Variants in SNX29 observed in about 807,000 individuals in gnomAD.
SNX29 encodes the protein sorting nexin 29.
Under a neutral mutation model 102.1 loss-of-function variants are expected in SNX29, and 78 were observed. The ratio of observed to expected loss-of-function variants is 0.76; its 90% CI spans 0.64 to 0.92. The LOEUF is 0.92. Ranked by LOEUF, SNX29 falls within the 40% of genes least tolerant of loss-of-function variation. The pLI is 0.00. For synonymous variants in SNX29, 580 were observed against 414.5 expected, an observed-to-expected ratio of 1.40 and a Z score of -4.85; for missense variants, 1,280 against 1,061.7, an observed-to-expected ratio of 1.21 and a Z score of -2.86.
intron 19 of SNX29, among the ~76,000 whole-genome samples, chr16:12,491,012 T>G (rs1483969410): frequency 6.6e-6 from 1 of 152,248 alleles, no homozygotes. Context: ...TCAATGATAC[T>G]TATTCTTTAT....
At chr16:12,392,562 C>A (rs1280227334) in intron 16 of SNX29, among the ~76,000 whole-genome samples, 1 of 152,056 alleles carries the variant, frequency 6.6e-6, no homozygotes, top group Non-Finnish European at 1.5e-5. Context: ...AGAATATTGT[C>A]CTCTACACCC....
chr16:12,332,002 G>A (rs1439798386), intron 15 of SNX29, among the ~76,000 whole-genome samples: 2 of 152,100 alleles, frequency 1.3e-5, no homozygotes, highest in African/African-American at 4.8e-5. Context: ...GGAGCCTGCA[G>A]TGAGCCAAGA....
In SNX29 at chr16:12,571,558, C is replaced by G. The variant is rs1567230108; in HGVS notation, c.*2929C>G. 2.0e-6 allele frequency: 2 copies of G among 998,516 alleles called. No individual in the cohort carries two copies. The highest frequency in any genetic ancestry group is 1.7e-5 in the African/African-American group (1 of 59,670). 61.9% of individuals were successfully genotyped at this position (998,516 alleles called of 1,614,324 possible). Reference sequence around the variant, plus strand: ...CCTTTGCTGGGAGGAAGAATCCACACCGAATCCTTCTGTCTTCATGGCCTG... The same window carrying G: ...CCTTTGCTGGGAGGAAGAATCCACAGCGAATCCTTCTGTCTTCATGGCCTG... On this transcript the variant is annotated 3_prime_UTR_variant, in exon 21 of 21. Coordinates refer to ENST00000566228, the MANE Select transcript of SNX29 (RefSeq NM_032167.5).
At chr16:12,147,314 C>T (rs571995573) in intron 13 of SNX29, among the ~76,000 whole-genome samples, 36 of 152,184 alleles carry the variant, frequency 2.4e-4, no homozygotes, top group African/African-American at 8.7e-4. Context: ...TCGCTTTCCC[C>T]CATCAAAGGA....
At chr16:12,251,674 G>T (rs1481582119) in intron 14 of SNX29, among the ~76,000 whole-genome samples, 1 of 152,162 alleles carries the variant, frequency 6.6e-6, no homozygotes, top group African/African-American at 2.4e-5. Context: ...TTGCACTCCA[G>T]CCTGGGCAAC....
chr16:12,219,306 C>T (rs2077412929), intron 14 of SNX29, among the ~76,000 whole-genome samples: 1 of 150,864 alleles, frequency 6.6e-6, no homozygotes, highest in Non-Finnish European at 1.5e-5. Flanking sequence ...GGTTTTCAGT[C>T]CTTTTTGACT....
At chr16:12,315,291 G>A (rs879444042) in intron 15 of SNX29, among the ~76,000 whole-genome samples, 7 of 152,144 alleles carry the variant, frequency 4.6e-5, no homozygotes, top group Non-Finnish European at 8.8e-5. Flanking sequence ...CCGGACCAGG[G>A]ATGAGTATTT....
At chr16:12,212,158 C>A (rs772708454) in intron 14 of SNX29, among the ~76,000 whole-genome samples, 3 of 152,156 alleles carry the variant, frequency 2.0e-5, no homozygotes, top group Non-Finnish European at 2.9e-5. Flanking sequence ...GGGGCAGCCT[C>A]TGTGTGACTG....
rs74839237 is a variant in SNX29, at chr16:12,084,147, A to AT, written c.1402+5247dup. 4.0e-3 allele frequency among the ~76,000 whole-genome samples: 593 copies of AT among 147,060 alleles called. 7 individuals are homozygous for AT. The highest frequency in any genetic ancestry group is 0.024 in the East Asian group (122 of 4,992). On this transcript the variant is annotated intron_variant, in intron 11 of 20. Coordinates refer to ENST00000566228, the MANE Select transcript of SNX29 (RefSeq NM_032167.5). ...ACAAAAGCCTGTTATGAAAAAGTTA[A>AT]TTTTTTTTTTTTTTTGAGACGGAGT...
At chr16:12,387,426 A>G (rs111408287) in intron 16 of SNX29, among the ~76,000 whole-genome samples, 3,939 of 151,990 alleles carry the variant, frequency 0.026, 156 homozygotes, top group African/African-American at 0.09. Context: ...GAAGTGGAGA[A>G]CAGGTTCCCA....
intron 18 of SNX29, among the ~76,000 whole-genome samples, chr16:12,446,043 C>T (rs1375543938): frequency 7.3e-6 from 1 of 137,512 alleles, no homozygotes; most frequent in African/African-American, 2.8e-5. Flanking sequence ...AGTAGCTTCT[C>T]ATTCTTTTTT....
intron 3 of SNX29, among the ~76,000 whole-genome samples, chr16:12,016,012 C>A (rs753702291): frequency 6.6e-6 from 1 of 151,854 alleles, no homozygotes; most frequent in African/African-American, 2.4e-5. Context: ...TTACAGGCGC[C>A]CGCCACCACG....
At chr16:12,550,326 C>T (rs978713503) in intron 20 of SNX29, among the ~76,000 whole-genome samples, 6 of 152,056 alleles carry the variant, frequency 3.9e-5, no homozygotes, top group Admixed American at 1.3e-4. Flanking sequence ...CACCTGAGGT[C>T]GAGTGTGAGA....
intron 4 of SNX29, among the ~76,000 whole-genome samples, chr16:12,030,655 GTCT>G (rs2057314479): frequency 6.6e-6 from 1 of 152,088 alleles, no homozygotes; most frequent in African/African-American, 2.4e-5. Context: ...TCATGGAGTG[GTCT>G]TCTTTAATGA....
intron 20 of SNX29, among the ~76,000 whole-genome samples, chr16:12,547,438 G>C (rs928608579): frequency 6.6e-6 from 1 of 152,162 alleles, no homozygotes; most frequent in Non-Finnish European, 1.5e-5. Flanking sequence ...CCGGGGAGAG[G>C]GGATGGTGCC....
chr16:12,128,184 G>A (rs1240505917), intron 12 of SNX29, among the ~76,000 whole-genome samples: 1 of 152,202 alleles, frequency 6.6e-6, no homozygotes, highest in Non-Finnish European at 1.5e-5. Context: ...GAGGGCTTGC[G>A]CCATTGAGGG....
intron 10 of SNX29, among the ~76,000 whole-genome samples, chr16:12,076,729 G>C (rs1408048684): frequency 1.3e-5 from 2 of 152,146 alleles, no homozygotes; most frequent in African/African-American, 2.4e-5. Flanking sequence ...TTCTTCTTCT[G>C]TCTCTCCTCT....
chr16:12,238,791 T>G (rs945184937), intron 14 of SNX29, among the ~76,000 whole-genome samples: 1 of 152,180 alleles, frequency 6.6e-6, no homozygotes, highest in Non-Finnish European at 1.5e-5. Context: ...TCCTAGAAGG[T>G]CACACTTAGG....
At chr16:12,555,406 C>T (rs1020605438) in intron 20 of SNX29, among the ~76,000 whole-genome samples, 16 of 151,972 alleles carry the variant, frequency 1.1e-4, no homozygotes, top group African/African-American at 3.1e-4. Flanking sequence ...TGCTGGGCTG[C>T]TGGCCCCTCA....
Sources: allele counts gnomAD v4.1 joint callset (sites outside exome capture counted in the v4.1 genomes callset), GRCh38; gene constraint gnomAD v4.1.1; transcripts MANE v1.5; gene names NCBI Gene and HGNC (gene_info 2026-07-23, HGNC 2026-07-21).